The following LRRN2 variants were observed in gnomAD, a reference collection of about 807,000 sequenced individuals.
LRRN2 encodes leucine-rich repeat neuronal protein 2.
Under a neutral mutation model 35.7 loss-of-function variants are expected in LRRN2, and 10 were observed. That is an observed-to-expected ratio of 0.28 (90% CI 0.17 to 0.47). The LOEUF is 0.47. Ranked by LOEUF, LRRN2 falls within the 20% of genes least tolerant of loss-of-function variation. The pLI is 0.99. For synonymous variants in LRRN2, 391 were observed against 409.6 expected, an observed-to-expected ratio of 0.95 and a Z score of 0.55; for missense variants, 731 against 940.3, an observed-to-expected ratio of 0.78 and a Z score of 2.91.
chr1:204,639,678 T>A (rs1489951071), intron 1 of LRRN2, among the ~76,000 whole-genome samples: 1 of 152,338 alleles, frequency 6.6e-6, no homozygotes, highest in East Asian at 1.9e-4. Context: ...TAATGACATA[T>A]GCCTTGTATA....
chr1:204,654,781 G>A (rs1207709212), intron 1 of LRRN2, among the ~76,000 whole-genome samples: 1 of 152,180 alleles, frequency 6.6e-6, no homozygotes, highest in Non-Finnish European at 1.5e-5. Flanking sequence ...GAGAGCTGAT[G>A]GAGCTCACCT....
At position 204,676,505 on chromosome 1, in the gene LRRN2, T is replaced by C. The variant is rs572758936; in HGVS notation, c.-227+8815A>G. Among the ~76,000 whole-genome samples the C allele has an allele frequency of 2.2e-4, 33 of 152,086 alleles. 1 individual carries two copies. Among genetic ancestry groups the C allele is most frequent in the Non-Finnish European group, 3.5e-4 (24 of 68,024 alleles). ...ATTCTTCCATACAGCATAACCTCTG[T>C]TCTCATCTCTGCAAGACACCCTCTG... On this transcript the variant is annotated intron_variant, in intron 1 of 1. Transcript: ENST00000367177.
chr1:204,666,652 G>A (rs1668579128), intron 1 of LRRN2, among the ~76,000 whole-genome samples: 1 of 152,114 alleles, frequency 6.6e-6, no homozygotes, highest in South Asian at 2.1e-4. Context: ...TGAACCTCAA[G>A]GAAATTATGC....
chr1:204,664,750 G>C (rs141598487), intron 1 of LRRN2: 1 of 152,128 alleles, frequency 6.6e-6, no homozygotes, highest in South Asian at 2.1e-4. Context: ...TGATGGGCTC[G>C]TCTGCCACGC....
intron 1 of LRRN2, among the ~76,000 whole-genome samples, chr1:204,655,220 G>A (rs1668322288): frequency 6.6e-6 from 1 of 152,262 alleles, no homozygotes; most frequent in Non-Finnish European, 1.5e-5. Flanking sequence ...ACCCCAGCAA[G>A]TGGTGCTAAA....
At position 204,617,726 on chromosome 1, in the gene LRRN2, C is replaced by T; in HGVS notation, c.*125G>A. Reference sequence around the variant, plus strand: ...CCACAAAGCCCCATCTGTCTTGGCCCAGCTGCCAGGCCTCAAGCACGTGGG... The same window carrying T: ...CCACAAAGCCCCATCTGTCTTGGCCTAGCTGCCAGGCCTCAAGCACGTGGG... On this transcript the variant is annotated 3_prime_UTR_variant, in exon 2 of 2. Coordinates refer to ENST00000367177, the MANE Select transcript of LRRN2 (RefSeq NM_201630.2). The T allele has an allele frequency of 2.7e-6, 3 of 1,116,818 alleles. No homozygotes were observed. The highest frequency in any genetic ancestry group is 4.0e-6 in the Non-Finnish European group (3 of 755,712). 69.2% of individuals were successfully genotyped at this position (1,116,818 alleles called of 1,614,324 possible). A position where few individuals can be genotyped will look rare whatever the true frequency, so the allele number is the denominator to read the frequency against.
At chr1:204,678,955 G>A (rs1668881629) in intron 1 of LRRN2, among the ~76,000 whole-genome samples, 1 of 152,304 alleles carries the variant, frequency 6.6e-6, no homozygotes, top group South Asian at 2.1e-4. Context: ...GTCATTCACT[G>A]CTGTCTGCCC....
chr1:204,661,967 G>C (rs569117719), intron 1 of LRRN2, among the ~76,000 whole-genome samples: 4 of 152,290 alleles, frequency 2.6e-5, no homozygotes, highest in African/African-American at 9.6e-5. Flanking sequence ...AAACCTCATG[G>C]AGTGGCTTTG....
chr1:204,638,887 G>A (rs915576882), intron 1 of LRRN2, among the ~76,000 whole-genome samples: 2 of 152,178 alleles, frequency 1.3e-5, no homozygotes, highest in East Asian at 3.9e-4. Flanking sequence ...CTAGTGGGAC[G>A]CCACCCCCAG....
chr1:204,640,544 T>A (rs1469258561), intron 1 of LRRN2, among the ~76,000 whole-genome samples: 2 of 152,192 alleles, frequency 1.3e-5, no homozygotes, highest in African/African-American at 2.4e-5. Flanking sequence ...GCTGTGCAGC[T>A]CCTTCCGAGG....
At chr1:204,628,577 C>A (rs1273643398) in intron 1 of LRRN2, 2 of 152,278 alleles carry the variant, frequency 1.3e-5, no homozygotes, top group East Asian at 3.8e-4. Flanking sequence ...TCGAGACCAT[C>A]TTTGTACTAG....
intron 1 of LRRN2, among the ~76,000 whole-genome samples, chr1:204,681,712 C>T (rs1416303975): frequency 6.6e-6 from 1 of 152,188 alleles, no homozygotes; most frequent in East Asian, 1.9e-4. Context: ...CTGATTGAGG[C>T]TAACTTGGTG....
intron 1 of LRRN2, among the ~76,000 whole-genome samples, chr1:204,644,192 A>G (rs1668050030): frequency 6.6e-6 from 1 of 151,996 alleles, no homozygotes; most frequent in Non-Finnish European, 1.5e-5. Flanking sequence ...CAGAAGCCAC[A>G]TTTCCCCTAC....
chr1:204,653,882 A>AT lies in LRRN2; in HGVS notation c.-227+31437_-227+31438insA, dbSNP rs1287362837. On this transcript the variant is annotated intron_variant, in intron 1 of 1. Transcript: ENST00000367177. ...ATCTCAAAAAAAAAAAAAAAGAAAA[A>AT]CTATTTAGCTGGGCATGGTAGCATG... Among the ~76,000 whole-genome samples the AT allele has an allele frequency of 1.8e-3, 268 of 151,614 alleles. 2 individuals are homozygous for AT. The highest frequency in any genetic ancestry group is 6.4e-3 in the African/African-American group (263 of 41,282).
At chr1:204,658,034 A>G (rs1208774790) in intron 1 of LRRN2, among the ~76,000 whole-genome samples, 6 of 140,526 alleles carry the variant, frequency 4.3e-5, no homozygotes, top group East Asian at 2.1e-4. Context: ...CTGGAGTGCA[A>G]TGGCGTAATC....
Position 204,620,167 on chromosome 1 carries a change from TC to T in LRRN2, c.-176del, listed in dbSNP as rs1666775040. The T allele has an allele frequency of 1.4e-6, 2 of 1,450,230 alleles. No homozygotes were observed. Among genetic ancestry groups the T allele is most frequent in the South Asian group, 3.0e-5 (2 of 67,044 alleles). The allele number at this position is 1,450,230 out of a possible 1,614,324, so 89.8% of individuals were successfully genotyped here. A position where few individuals can be genotyped will look rare whatever the true frequency, so the allele number is the denominator to read the frequency against. ...TCCTCAATATGCCTTCTCTTCCTTG[TC>T]CTCTGGGGCTGGGCCTGCTCAGTCA... On this transcript the variant is annotated 5_prime_UTR_variant, in exon 2 of 2. The change abolishes the stop of an existing upstream ORF in the 5' untranslated region. Transcript: ENST00000367177.
chr1:204,683,978 C>T (rs928301532), intron 1 of LRRN2, among the ~76,000 whole-genome samples: 1 of 152,194 alleles, frequency 6.6e-6, no homozygotes, highest in Non-Finnish European at 1.5e-5. Flanking sequence ...CCCTCCATGC[C>T]CAGTGCTCTT....
chr1:204,634,332 C>T (rs1416943348), intron 1 of LRRN2, among the ~76,000 whole-genome samples: 1 of 152,130 alleles, frequency 6.6e-6, no homozygotes, highest in Non-Finnish European at 1.5e-5. Context: ...GGGATGGAGC[C>T]CGCTGTGCAA....
chr1:204,668,016 G>A (rs1558421424), intron 1 of LRRN2, among the ~76,000 whole-genome samples: 1 of 152,182 alleles, frequency 6.6e-6, no homozygotes. Flanking sequence ...TCCTCACTCT[G>A]TGGACTCTCT....
Sources: allele counts gnomAD v4.1 joint callset (sites outside exome capture counted in the v4.1 genomes callset), GRCh38; gene constraint gnomAD v4.1.1; transcripts MANE v1.5; gene names NCBI Gene and HGNC (gene_info 2026-07-23, HGNC 2026-07-21).